Variants in NSD1 observed in about 807,000 individuals in gnomAD.
NSD1 encodes the protein histone-lysine N-methyltransferase, H3 lysine-36 specific.
In NSD1, 26 loss-of-function variants were observed where a neutral mutation model predicts 242.7. The ratio of observed to expected loss-of-function variants is 0.11; its 90% CI spans 0.08 to 0.15. The LOEUF (loss-of-function observed/expected upper bound fraction) is 0.15, where lower values mean the gene tolerates loss of function less well. Ranked by LOEUF, NSD1 falls within the 10% of genes least tolerant of loss-of-function variation. The pLI is 1.00. For missense variants in NSD1, 2,495 were observed against 3,272.8 expected (o/e 0.76, Z 5.80); for synonymous variants, 1,106 against 1,178.1 (o/e 0.94, Z 1.25).
chr5:177,197,905 T>C (rs970967538), intron 3 of NSD1, among the ~76,000 whole-genome samples: 2 of 152,182 alleles, frequency 1.3e-5, no homozygotes, highest in African/African-American at 4.8e-5. Context: ...TAGATTGGAC[T>C]GATTTGAGGC....
Position 177,238,273 on chromosome 5 carries a change from C to G in NSD1, c.3958C>G (p.Arg1320Gly). The G allele has an allele frequency of 1.2e-6, 2 of 1,614,056 alleles. No individual in the cohort carries two copies. Among genetic ancestry groups the G allele is most frequent in the Non-Finnish European group, 1.7e-6 (2 of 1,180,020 alleles). ...CTGTGAAGAGGAAAGCCTTCTAGCC[C>G]GAGGTCGATCTAGTGCTCAGAACAA... The part of the protein sequence containing the change: ...SRCEEESLLA[R>G]GRSSAQNKQV... Residue 1320 changes from arginine to glycine, a missense_variant, in exon 7 of 23, where the codon CGA (arginine) becomes GGA (glycine). By Grantham distance (125) the Arg-to-Gly change is moderately radical. Transcript: ENST00000439151. The surrounding 1 kb of genome is among the most constrained non-coding windows in gnomAD (Gnocchi z 4.6).
chr5:177,186,767 T>C (rs1761268372), intron 2 of NSD1, among the ~76,000 whole-genome samples: 1 of 152,116 alleles, frequency 6.6e-6, no homozygotes, highest in Non-Finnish European at 1.5e-5. Context: ...GGTAGGAGGA[T>C]TGCTTGAGAC....
At chr5:177,203,858 C>G (rs1762673891) in intron 3 of NSD1, among the ~76,000 whole-genome samples, 1 of 152,092 alleles carries the variant, frequency 6.6e-6, no homozygotes, top group Admixed American at 6.6e-5. Flanking sequence ...TGTAGTTAAT[C>G]TACATTTAGC....
chr5:177,155,930 C>G (rs1028679574), intron 2 of NSD1, among the ~76,000 whole-genome samples: 12 of 151,646 alleles, frequency 7.9e-5, no homozygotes, highest in Non-Finnish European at 1.3e-4. Context: ...GTCTCGAACT[C>G]CTGACCTCAG....
rs775349518 is a variant in NSD1 at position 177,283,887 on chromosome 5, A to G, written c.6110A>G (p.Asp2037Gly). 1 of 1,614,204 alleles carries G rather than the reference A, an allele frequency of 6.2e-7. No homozygotes were observed. The highest frequency in any genetic ancestry group is 2.2e-5 in the East Asian group (1 of 44,882). Residue 2037 changes from aspartate to glycine, a missense_variant, in exon 20 of 23, where the codon GAT (aspartate) becomes GGT (glycine). Coordinates refer to ENST00000439151, the MANE Select transcript of NSD1 (RefSeq NM_022455.5). ...CETQKWSVNG[D>G]TRVGLFALSD... Reference sequence around the variant, plus strand: ...ACACAGAAGTGGTCTGTGAATGGAGATACCCGTGTAGGCCTTTTTGCACTA... The same window carrying G: ...ACACAGAAGTGGTCTGTGAATGGAGGTACCCGTGTAGGCCTTTTTGCACTA...
At position 177,299,809 on chromosome 5, in the gene NSD1, T is replaced by TA. The variant is rs1760481190; in HGVS notation, c.*4353dup. 1 of 232,976 alleles carries TA rather than the reference T, an allele frequency of 4.3e-6. No individual in the cohort carries two copies. Among genetic ancestry groups the TA allele is most frequent in the African/African-American group, 2.2e-5 (1 of 45,240 alleles). The allele number at this position is 232,976 out of a possible 1,614,324, so 14.4% of individuals were successfully genotyped here. A position where few individuals can be genotyped will look rare whatever the true frequency, so the allele number is the denominator to read the frequency against. ...TGGGCACAGAGAGTAGAAGCAGAAA[T>TA]AAATGGTTCTATGTTTTCAACTTCC... On this transcript the variant is annotated 3_prime_UTR_variant, in exon 23 of 23. Coordinates refer to ENST00000439151, the MANE Select transcript of NSD1 (RefSeq NM_022455.5).
At chr5:177,167,823 G>T (rs768761722) in intron 2 of NSD1, among the ~76,000 whole-genome samples, 1 of 152,112 alleles carries the variant, frequency 6.6e-6, no homozygotes, top group Non-Finnish European at 1.5e-5. Flanking sequence ...CGATATTTTC[G>T]ACTTATGATG....
intron 2 of NSD1, among the ~76,000 whole-genome samples, chr5:177,152,851 A>G (rs1459707381): frequency 1.3e-5 from 2 of 148,842 alleles, no homozygotes; most frequent in African/African-American, 2.5e-5. Flanking sequence ...ACGCCTGGGT[A>G]ATTTTTGTAT....
chr5:177,158,278 TTTCTTTCTTTCTTTC>T (rs1228996098), intron 2 of NSD1, among the ~76,000 whole-genome samples: 160 of 97,374 alleles, frequency 1.6e-3, no homozygotes, highest in African/African-American at 4.7e-3. Context: ...TCTTTCTTTC[TTTCTTTCTTTCTTTC>T]TTTCTTTCTT....
At chr5:177,173,511 T>C (rs921146861) in intron 2 of NSD1, among the ~76,000 whole-genome samples, 1 of 148,968 alleles carries the variant, frequency 6.7e-6, no homozygotes, top group Non-Finnish European at 1.5e-5. Context: ...TTCACTCTTG[T>C]TGCCGAGGCT....
At chr5:177,283,634 C>T (rs1018916299) in intron 19 of NSD1, among the ~76,000 whole-genome samples, 153 bp from the exon 20 acceptor site, 1 of 152,226 alleles carries the variant, frequency 6.6e-6, no homozygotes, top group Non-Finnish European at 1.5e-5. Context: ...GTCCAGGGAT[C>T]ACACTTTGAG....
At position 177,269,559 on chromosome 5, in the gene NSD1, G is replaced by C. The variant is rs772320872; in HGVS notation, c.5304-43G>C. On this transcript the variant is annotated intron_variant, in intron 15 of 22. Transcript: ENST00000439151. The surrounding 1 kb of genome is among the most constrained non-coding windows in gnomAD (Gnocchi z 5.1). Reference sequence around the variant, plus strand: ...GAGTAGGTTATTTTCCTAATGCCTTGCAGCCTTCTAGAGGTTTTCCTTCTC... The same window carrying C: ...GAGTAGGTTATTTTCCTAATGCCTTCCAGCCTTCTAGAGGTTTTCCTTCTC... 6.4e-7 allele frequency: 1 copy of C among 1,570,034 alleles called. No homozygotes were observed. The highest frequency in any genetic ancestry group is 1.7e-5 in the Admixed American group (1 of 59,872).
chr5:177,207,256 G>A (rs114816072), intron 4 of NSD1, among the ~76,000 whole-genome samples: 2,873 of 146,636 alleles, frequency 0.02, 90 homozygotes, highest in African/African-American at 0.065. Flanking sequence ...CCTCGTTACC[G>A]TAATTATTTA....
Position 177,161,612 on chromosome 5 carries a change from T to C in NSD1, c.927+25582T>C, listed in dbSNP as rs114181506. Among the ~76,000 whole-genome samples the C allele has an allele frequency of 4.3e-3, 648 of 151,644 alleles. 3 individuals carry two copies. The highest frequency in any genetic ancestry group is 0.014 in the African/African-American group (592 of 41,224). On this transcript the variant is annotated intron_variant, in intron 2 of 22. Transcript: ENST00000439151. ...TTTTGTGCAAACGATTGAAATTATATTTTTTTTACCTGAATTTTTCCTGTG... is the reference window on the plus strand; with the variant it reads ...TTTTGTGCAAACGATTGAAATTATACTTTTTTTACCTGAATTTTTCCTGTG...
intron 2 of NSD1, among the ~76,000 whole-genome samples, chr5:177,158,293 CTTTCTTTCTTTTCTTTCT>C (rs1554172560): frequency 4.6e-4 from 36 of 77,742 alleles, no homozygotes; most frequent in African/African-American, 1.5e-3. Context: ...TTCTTTCTTT[CTTTCTTTCTTTTCTTTCT>C]TTTCTTTCTT....
intron 5 of NSD1, among the ~76,000 whole-genome samples, chr5:177,223,601 C>T (rs150440519): frequency 0.019 from 2,823 of 152,152 alleles, 36 homozygotes; most frequent in Non-Finnish European, 0.031. Context: ...ACAGCCACCA[C>T]GCCCAGCCTG....
intron 2 of NSD1, among the ~76,000 whole-genome samples, chr5:177,184,999 C>T (rs1760987979): frequency 6.6e-6 from 1 of 152,056 alleles, no homozygotes; most frequent in Non-Finnish European, 1.5e-5. Context: ...ATATTGCTGT[C>T]GTCTCTTTAT....
chr5:177,223,552 G>A (rs568359023), intron 5 of NSD1, among the ~76,000 whole-genome samples: 1 of 152,116 alleles, frequency 6.6e-6, no homozygotes, highest in South Asian at 2.1e-4. Flanking sequence ...TACCCTGGGC[G>A]ACAGAGCAAG....
intron 5 of NSD1, chr5:177,229,834 C>A (rs960889835): frequency 7.0e-6 from 2 of 284,190 alleles, no homozygotes; most frequent in Admixed American, 4.6e-5. Flanking sequence ...ACCTCCGCCT[C>A]CCAGGTTCAA....
Sources: gnomAD v4.1 joint callset for allele counts (sites outside exome capture counted in the v4.1 genomes callset) on GRCh38, gnomAD v4.1.1 for gene constraint, Gnocchi (gnomAD v3.1) non-coding constraint, MANE v1.5 for transcripts, NCBI Gene and HGNC (gene_info 2026-07-23, HGNC 2026-07-21) for gene names.